ATIC: variants seen among roughly 807,000 people sequenced by gnomAD.
The protein encoded by ATIC is bifunctional purine biosynthesis protein ATIC.
ATIC carries 64 observed loss-of-function variants against 72.5 expected under a neutral mutation model. That is an observed-to-expected ratio of 0.88 (90% confidence interval 0.72 to 1.09). The LOEUF (loss-of-function observed/expected upper bound fraction) is 1.09, where lower values mean the gene tolerates loss of function less well. Among genes scored for constraint, ATIC ranks in the 50% least tolerant of loss-of-function variants. The pLI is 0.00. For missense variants in ATIC, 787 were observed against 732.4 expected, an observed-to-expected ratio of 1.07 and a Z score of -0.86; for synonymous variants, 281 against 267.1, an observed-to-expected ratio of 1.05 and a Z score of -0.51.
At chr2:215,362,873 T>C in the ATIC span, 2 of 152,520 alleles carry the variant, frequency 1.3e-5, no homozygotes, top group African/African-American at 2.4e-5. Context: ...AGCCAGTGCA[T>C]GGGAAGGCAC....
chr2:215,349,546 C>T lies in ATIC; in HGVS notation c.1670C>T (p.Ala557Val), dbSNP rs76436141. 9.8e-4 allele frequency: 1,585 copies of T among 1,613,994 alleles called. 14 individuals carry two copies. In the African/African-American group the frequency reaches 0.018, roughly 18 times the overall value. ...NVDRAKRSGV[A>V]YIAAPSGSAA... ...ATATACTTCCCCCAGAGTGGTGTGG[C>T]GTACATTGCGGCTCCCTCCGGTTCT... Residue 557 changes from alanine to valine, a missense_variant, in exon 16 of 16, where the codon GCG (alanine) becomes GTG (valine). Physicochemically the swap from Ala to Val is moderately conservative, Grantham distance 64. Coordinates refer to ENST00000236959, the MANE Select transcript of ATIC (RefSeq NM_004044.7).
At chr2:215,348,079 CTG>C (rs2053090925) in intron 14 of ATIC, among the ~76,000 whole-genome samples, 1 of 152,268 alleles carries the variant, frequency 6.6e-6, no homozygotes, top group Non-Finnish European at 1.5e-5. Context: ...TTTTATAAGT[CTG>C]TAATCCATTC....
At chr2:215,358,796 A>T in the ATIC span, among the ~76,000 whole-genome samples, 3 of 152,240 alleles carry the variant, frequency 2.0e-5, no homozygotes, top group African/African-American at 7.2e-5. Context: ...GGGGAACTTG[A>T]GGTTTTTTAC....
intron 2 of ATIC, among the ~76,000 whole-genome samples, chr2:215,314,648 G>A (rs534339396): frequency 4.7e-4 from 72 of 152,094 alleles, no homozygotes; most frequent in Non-Finnish European, 8.8e-4. Context: ...ACAGGCGCCC[G>A]CCACCACGCC....
downstream of ATIC, among the ~76,000 whole-genome samples, chr2:215,351,899 T>C (rs1458569076): frequency 4.6e-5 from 7 of 152,164 alleles, no homozygotes; most frequent in African/African-American, 1.4e-4. Flanking sequence ...TACCTCAAAA[T>C]AGGAGAATAG....
chr2:215,349,068 T>A (rs532235155), intron 14 of ATIC, 26 bp from the exon 15 acceptor site: 1 of 1,613,838 alleles, frequency 6.2e-7, no homozygotes, highest in African/African-American at 1.3e-5. Context: ...CAGACCAAGC[T>A]TCTTCCTTTC....
At chr2:215,344,746 C>G in intron 12 of ATIC, 33 bp from the exon 13 acceptor site, 1 of 1,586,404 alleles carries the variant, frequency 6.3e-7, no homozygotes, top group Non-Finnish European at 8.7e-7. Flanking sequence ...TTTAAAAGGC[C>G]CCATGCAATT....
At chr2:215,327,865 G>A (rs1414684151) in intron 7 of ATIC, among the ~76,000 whole-genome samples, 1 of 149,958 alleles carries the variant, frequency 6.7e-6, no homozygotes, top group African/African-American at 2.5e-5. Context: ...CGTTTGCCGC[G>A]TTCTATTGTT....
At chr2:215,333,872 C>G (rs1445298074) in intron 9 of ATIC, among the ~76,000 whole-genome samples, 5 of 151,960 alleles carry the variant, frequency 3.3e-5, no homozygotes, top group African/African-American at 1.2e-4. Context: ...GAAACCCCGT[C>G]TCTACTAAAA....
rs780817186 is a variant in ATIC, at chr2:215,349,683, C to T, written c.*28C>T. On this transcript the variant is annotated 3_prime_UTR_variant, in exon 16 of 16. Transcript: ENST00000236959. The stretch of plus-strand genomic sequence containing the variant: ...TTACCACACACTGTTTTTTGGCTTG[C>T]TTATGTGTAGGTGAACAGTCACGCC... 17 of 1,613,950 alleles carry T rather than the reference C, an allele frequency of 1.1e-5. No individual in the cohort carries two copies. The South Asian group carries it at 1.2e-4, about 11-fold the overall frequency.
intron 12 of ATIC, among the ~76,000 whole-genome samples, chr2:215,341,137 T>G (rs2053014502): frequency 6.6e-6 from 1 of 152,200 alleles, no homozygotes; most frequent in Admixed American, 6.5e-5. Context: ...GATTAACATA[T>G]CTTTTTTGTT....
Position 215,332,377 on chromosome 2 carries a change from T to A in ATIC, c.689-5T>A. 1 of 1,614,094 alleles carries A rather than the reference T, an allele frequency of 6.2e-7. No individual in the cohort carries two copies. Among genetic ancestry groups the A allele is most frequent in the Non-Finnish European group, 8.5e-7 (1 of 1,180,012 alleles). On this transcript the variant is annotated splice_polypyrimidine_tract_variant and splice_region_variant and intron_variant, in intron 7 of 15. Coordinates refer to ENST00000236959, the MANE Select transcript of ATIC (RefSeq NM_004044.7). ...AGTAATGTGCATGTATATTTTTACA[T>A]TTAGTTCTAAATGGAGCCCCTGGAT...
chr2:215,337,178 A>G (rs1157710605), intron 11 of ATIC, among the ~76,000 whole-genome samples: 6 of 151,398 alleles, frequency 4.0e-5, no homozygotes, highest in African/African-American at 1.5e-4. Flanking sequence ...GCAAAGAGTT[A>G]TTTCAATTTA....
the ATIC span, among the ~76,000 whole-genome samples, chr2:215,358,483 ACAAACTGTTTAGCTGGGAGCTTAT>A: frequency 6.6e-6 from 1 of 152,156 alleles, no homozygotes; most frequent in South Asian, 2.1e-4. Flanking sequence ...TCAGGAGTAA[ACAAACTGTTTAGCTGGGAGCTTAT>A]CAAGCCATGC....
At chr2:215,332,834 TC>T (rs1172880758) in intron 8 of ATIC, among the ~76,000 whole-genome samples, 1 of 152,162 alleles carries the variant, frequency 6.6e-6, no homozygotes, top group African/African-American at 2.4e-5. Flanking sequence ...ATAAAGAAGT[TC>T]TTCTTTGGAC....
Position 215,346,739 on chromosome 2 carries a change from T to C in ATIC, c.1321-20T>C. On this transcript the variant is annotated intron_variant, in intron 13 of 15. Coordinates refer to ENST00000236959, the MANE Select transcript of ATIC (RefSeq NM_004044.7). ...AGTGTCTTTGGAAGAGGTGTTCACT[T>C]TAATGTCTGTGTTCCTCAGGTTATC... 1 of 1,613,760 alleles carries C rather than the reference T, an allele frequency of 6.2e-7. No individual in the cohort carries two copies. The highest frequency in any genetic ancestry group is 8.5e-7 in the Non-Finnish European group (1 of 1,179,784).
intron 2 of ATIC, among the ~76,000 whole-genome samples, chr2:215,316,657 A>G (rs2052712778): frequency 6.6e-6 from 1 of 152,244 alleles, no homozygotes; most frequent in South Asian, 2.1e-4. Context: ...GTAATTCTTA[A>G]CATGCTAGTA....
At chr2:215,336,927 T>C (rs1480844512) in intron 11 of ATIC, among the ~76,000 whole-genome samples, 1 of 152,270 alleles carries the variant, frequency 6.6e-6, no homozygotes, top group Non-Finnish European at 1.5e-5. Flanking sequence ...TGTGGTTTTA[T>C]ACTTTTAAAA....
chr2:215,352,322 C>A (rs149331650), downstream of ATIC, among the ~76,000 whole-genome samples: 3,074 of 152,250 alleles, frequency 0.02, 36 homozygotes, highest in Non-Finnish European at 0.026. Flanking sequence ...TGGTTCACAC[C>A]TGTAATCCCA....
Sources: gnomAD v4.1 joint callset for allele counts (sites outside exome capture counted in the v4.1 genomes callset) on GRCh38, gnomAD v4.1.1 for gene constraint, MANE v1.5 for transcripts, NCBI Gene and HGNC (gene_info 2026-07-23, HGNC 2026-07-21) for gene names.